Variants in TBCD observed in about 807,000 individuals in gnomAD.
The protein encoded by TBCD is tubulin-specific chaperone D.
A neutral mutation model predicts 169.3 loss-of-function variants in TBCD; 105 were observed. The observed-to-expected ratio is 0.62, with a 90% confidence interval of 0.53 to 0.73. The LOEUF is 0.73. Among genes scored for constraint, TBCD ranks in the 30% least tolerant of loss-of-function variants. The probability of loss-of-function intolerance (pLI) is 0.00; values close to 1 mark genes in which losing one functional copy is unlikely to be tolerated. For synonymous variants in TBCD, 700 were observed against 643.9 expected (o/e 1.09, Z -1.32); for missense variants, 1,444 against 1,600.1 (o/e 0.90, Z 1.66).
intron 7 of TBCD, among the ~76,000 whole-genome samples, chr17:82,785,015 G>A (rs113504939): frequency 3.3e-4 from 40 of 120,726 alleles, no homozygotes; most frequent in Non-Finnish European, 3.3e-4. Context: ...TGTGTGACTG[G>A]GACCACTGGA....
chr17:82,783,002 T>G (rs534726800), intron 7 of TBCD, among the ~76,000 whole-genome samples: 2 of 152,080 alleles, frequency 1.3e-5, no homozygotes, highest in South Asian at 2.1e-4. Flanking sequence ...GTCCGCGGCG[T>G]CGTCTTCCTG....
intron 15 of TBCD, among the ~76,000 whole-genome samples, chr17:82,886,576 G>C (rs1423322888): frequency 1.4e-5 from 2 of 144,858 alleles, no homozygotes; most frequent in Non-Finnish European, 3.0e-5. Flanking sequence ...TTGATACATA[G>C]TGTCTGACCT....
At chr17:82,851,853 G>T (rs7214952) in intron 13 of TBCD, among the ~76,000 whole-genome samples, 87,028 of 152,010 alleles carry the variant, frequency 0.57, 25,095 homozygotes, top group East Asian at 0.71. Flanking sequence ...GGTAGCTTAG[G>T]CAAAATAGAC....
At chr17:82,800,498 G>A (rs1046073546) in intron 8 of TBCD, among the ~76,000 whole-genome samples, 12 of 151,348 alleles carry the variant, frequency 7.9e-5, no homozygotes, top group Non-Finnish European at 1.5e-4. Context: ...TGTTCTCCCC[G>A]GCCACAGCAT....
At chr17:82,895,614 G>A (rs569271458) in intron 17 of TBCD, among the ~76,000 whole-genome samples, 1 of 152,150 alleles carries the variant, frequency 6.6e-6, no homozygotes, top group African/African-American at 2.4e-5. Context: ...AGAGGGCTGG[G>A]GGCCTGGAGG....
In TBCD at chr17:82,831,322, T is replaced by A. The variant is rs766845141; in HGVS notation, c.1318+16388T>A. On this transcript the variant is annotated intron_variant, in intron 13 of 38. Transcript: ENST00000355528. The surrounding 1 kb of genome is among the most constrained non-coding windows in gnomAD (Gnocchi z 4.6). ...GTCTTTAGCCTCAGGAATTGGACTT[T>A]CGAACTCGACGTGTTTTCTGTTGGG... 18 of 1,613,900 alleles carry A rather than the reference T, an allele frequency of 1.1e-5. No homozygotes were observed. In the Admixed American group the frequency reaches 2.8e-4, roughly 25 times the overall value.
rs902327922 is a variant in TBCD, at chr17:82,832,685, C to T, written c.1318+17751C>T. 44 of 577,454 alleles carry T rather than the reference C, an allele frequency of 7.6e-5. 1 individual carries two copies. Among genetic ancestry groups the T allele is most frequent in the African/African-American group, 1.3e-4 (7 of 53,442 alleles). 35.8% of individuals were successfully genotyped at this position (577,454 alleles called of 1,614,324 possible). ...GTCAGGACAGCGAGTGAGGGGTCGG[C>T]GAGAAGCCGGCCTCGGCTCGCCACA... On this transcript the variant is annotated intron_variant, in intron 13 of 38. Coordinates refer to ENST00000355528, the MANE Select transcript of TBCD (RefSeq NM_005993.5). The surrounding 1 kb of genome is among the most constrained non-coding windows in gnomAD (Gnocchi z 4.9).
At chr17:82,755,577 G>C (rs780374474) in intron 1 of TBCD, among the ~76,000 whole-genome samples, 3 of 152,160 alleles carry the variant, frequency 2.0e-5, no homozygotes, top group Admixed American at 6.5e-5. Flanking sequence ...GATCAGCTGT[G>C]CCTGAATTCC....
At chr17:82,783,015 T>TGCGGTATCATCTTCCTGCCC (rs1555680802) in intron 7 of TBCD, among the ~76,000 whole-genome samples, 1 of 152,042 alleles carries the variant, frequency 6.6e-6, no homozygotes, top group Non-Finnish European at 1.5e-5. Flanking sequence ...TCTTCCTGTC[T>TGCGGTATCATCTTCCTGCCC]GTGGTATCAT....
chr17:82,850,383 C>CTGTCCTGTTGTTGGT (rs2055664657), intron 13 of TBCD, among the ~76,000 whole-genome samples: 1 of 145,362 alleles, frequency 6.9e-6, no homozygotes, highest in African/African-American at 2.6e-5. Context: ...CTGTTGTTGG[C>CTGTCCTGTTGTTGGT]TGTGCTGTTG....
intron 2 of TBCD, among the ~76,000 whole-genome samples, chr17:82,763,509 G>T (rs2047872637): frequency 6.6e-6 from 1 of 152,150 alleles, no homozygotes; most frequent in African/African-American, 2.4e-5. Context: ...GGGAGGCCGA[G>T]GTGGGTGGAT....
chr17:82,862,214 G>A (rs577892662), intron 13 of TBCD, among the ~76,000 whole-genome samples: 149 of 152,276 alleles, frequency 9.8e-4, no homozygotes, highest in Non-Finnish European at 1.9e-3. Context: ...GAGCCACTGC[G>A]CCCGGCCAAA....
At position 82,758,400 on chromosome 17, in the gene TBCD, A is replaced by AAAAATAAATAAAT. The variant is rs1035939621; in HGVS notation, c.235+2188_235+2189insATAAATAAATAAA. On this transcript the variant is annotated intron_variant, in intron 2 of 38. Coordinates refer to ENST00000355528, the MANE Select transcript of TBCD (RefSeq NM_005993.5). Reference sequence around the variant, plus strand: ...AACGTCTCGGAAAAAAAAAAAAAAAAAAATAAATAAATAAATAAATTTTTT... The same window carrying AAAAATAAATAAAT: ...AACGTCTCGGAAAAAAAAAAAAAAAAAAAATAAATAAATAAATAAATAAATAAATAAATTTTTT... 5.0e-3 allele frequency among the ~76,000 whole-genome samples: 497 copies of AAAAATAAATAAAT among 100,006 alleles called. 10 individuals are homozygous for AAAAATAAATAAAT. Among genetic ancestry groups the AAAAATAAATAAAT allele is most frequent in the South Asian group, 0.039 (102 of 2,630 alleles). 65.6% of individuals were successfully genotyped at this position (100,006 alleles called of 152,430 possible).
intron 13 of TBCD, chr17:82,859,883 A>T: frequency 1.0e-6 from 1 of 985,384 alleles, no homozygotes. Flanking sequence ...TGGGTTGGAG[A>T]CAGGGAGCAG....
In TBCD at chr17:82,868,220, G is replaced by T. The variant is rs187271873; in HGVS notation, c.1319-2004G>T. Among the ~76,000 whole-genome samples, 63 of 152,322 alleles carry T rather than the reference G, an allele frequency of 4.1e-4. No individual in the cohort carries two copies. In the East Asian group the frequency reaches 0.011, roughly 28 times the overall value. ...CAAGGAGAGGGCTGGCCATGGCGGG[G>T]GCACCACACCGGAGGACAGCTCTTC... On this transcript the variant is annotated intron_variant, in intron 13 of 38. Transcript: ENST00000355528.
intron 2 of TBCD, among the ~76,000 whole-genome samples, chr17:82,757,087 G>A (rs1199961260): frequency 2.0e-5 from 3 of 152,170 alleles, no homozygotes; most frequent in Non-Finnish European, 4.4e-5. Context: ...AGTTCACCTG[G>A]GAAAGAGGAA....
chr17:82,886,284 TGTGA>T (rs1376822428), intron 15 of TBCD: 1 of 152,240 alleles, frequency 6.6e-6, no homozygotes, highest in African/African-American at 2.4e-5. Flanking sequence ...GCAGTCAGTG[TGTGA>T]GTGAGTTTGT....
At chr17:82,859,163 G>A (rs375218402) in intron 13 of TBCD, among the ~76,000 whole-genome samples, 2,570 of 124,484 alleles carry the variant, frequency 0.021, 77 homozygotes, top group African/African-American at 0.07. Flanking sequence ...TTTCAGGGAA[G>A]GGGAGTCTTG....
chr17:82,881,977 C>A (rs1416674749), intron 14 of TBCD, among the ~76,000 whole-genome samples: 1 of 151,036 alleles, frequency 6.6e-6, no homozygotes, highest in Non-Finnish European at 1.5e-5. Context: ...GCAGGCATTT[C>A]CCCAGAACCC....
Sources: gnomAD v4.1 joint callset for allele counts (sites outside exome capture counted in the v4.1 genomes callset) on GRCh38, gnomAD v4.1.1 for gene constraint, Gnocchi (gnomAD v3.1) non-coding constraint, MANE v1.5 for transcripts, NCBI Gene and HGNC (gene_info 2026-07-23, HGNC 2026-07-21) for gene names.